FBXO34: variants seen among roughly 807,000 people sequenced by gnomAD.
FBXO34 encodes F-box protein 34.
FBXO34 carries 12 observed loss-of-function variants against 24.5 expected under a neutral mutation model. That is an observed-to-expected ratio of 0.49 (90% CI 0.31 to 0.79). FBXO34 has a LOEUF of 0.79. Among genes scored for constraint, FBXO34 ranks in the 30% least tolerant of loss-of-function variants. FBXO34 has a pLI of 0.04. For synonymous variants in FBXO34, 320 were observed against 311.9 expected, an observed-to-expected ratio of 1.03 and a Z score of -0.27; for missense variants, 823 against 857.7, an observed-to-expected ratio of 0.96 and a Z score of 0.51.
chr14:55,275,320 A>G (rs1270488776), intron 1 of FBXO34, among the ~76,000 whole-genome samples: 2 of 152,184 alleles, frequency 1.3e-5, no homozygotes, highest in Non-Finnish European at 2.9e-5. Flanking sequence ...ACTAAGTGCT[A>G]TGTAAGTGTG....
chr14:55,349,116 C>T (rs1884255094), intron 1 of FBXO34, among the ~76,000 whole-genome samples: 1 of 151,998 alleles, frequency 6.6e-6, no homozygotes, highest in Non-Finnish European at 1.5e-5. Context: ...TTTCCTCAAT[C>T]CAGGGTGTTT....
chr14:55,387,515 T>C, the FBXO34 span, among the ~76,000 whole-genome samples: 17 of 152,318 alleles, frequency 1.1e-4, no homozygotes, highest in Non-Finnish European at 1.9e-4. Flanking sequence ...CGCATAGCTC[T>C]TGGTTCCTCA....
chr14:55,442,799 G>T, the FBXO34 span, among the ~76,000 whole-genome samples: 1 of 152,030 alleles, frequency 6.6e-6, no homozygotes, highest in Non-Finnish European at 1.5e-5. Flanking sequence ...AGACTGAATT[G>T]TTTCCCCCCA....
chr14:55,301,289 T>G (rs933432905), intron 1 of FBXO34, among the ~76,000 whole-genome samples: 1 of 152,012 alleles, frequency 6.6e-6, no homozygotes, highest in Admixed American at 6.6e-5. Context: ...ATTCAAAAAT[T>G]AGCCAGGTGT....
intron 1 of FBXO34, among the ~76,000 whole-genome samples, chr14:55,327,908 G>GTTTTTTTTTTTTTTTTTTTTTTTTTTTT (rs386381425): frequency 2.1e-5 from 1 of 48,698 alleles, no homozygotes; most frequent in Non-Finnish European, 3.5e-5. Context: ...GTTGTTGTTG[G>GTTTTTTTTTTTTTTTTTTTTTTTTTTTT]TTTTTTTTTT....
chr14:55,331,685 GTGTATATATATATATATA>G (rs1267755433), intron 1 of FBXO34, among the ~76,000 whole-genome samples: 1 of 31,894 alleles, frequency 3.1e-5, no homozygotes, highest in Non-Finnish European at 5.3e-5. Context: ...ATATATATAT[GTGTATATATATATATATA>G]TGTATATATA....
At chr14:55,400,950 A>C in the FBXO34 span, among the ~76,000 whole-genome samples, 1 of 149,702 alleles carries the variant, frequency 6.7e-6, no homozygotes, top group Non-Finnish European at 1.5e-5. Flanking sequence ...AAATAAAATA[A>C]AATAAAATAA....
At chr14:55,371,929 G>C (rs970687205), downstream of FBXO34, among the ~76,000 whole-genome samples, 3 of 152,294 alleles carry the variant, frequency 2.0e-5, no homozygotes, top group East Asian at 5.8e-4. Context: ...ACTGCCCCTT[G>C]AATTTCTCTG....
the FBXO34 span, chr14:55,437,031 CA>C: frequency 6.2e-7 from 1 of 1,608,610 alleles, no homozygotes; most frequent in Non-Finnish European, 8.5e-7. Flanking sequence ...AGGCAGTTCC[CA>C]AAACAGACAG....
intron 1 of FBXO34, among the ~76,000 whole-genome samples, chr14:55,349,959 A>G (rs1371478225): frequency 6.6e-6 from 1 of 152,152 alleles, no homozygotes; most frequent in Non-Finnish European, 1.5e-5. Flanking sequence ...GCGAATTGTG[A>G]TGATTTAGAA....
At chr14:55,298,966 A>G (rs927582984) in intron 1 of FBXO34, 9 of 1,599,848 alleles carry the variant, frequency 5.6e-6, no homozygotes, top group South Asian at 1.1e-5. Context: ...AAGGCGGCCC[A>G]CGACAACATG....
chr14:55,346,491 C>G (rs1012451353), intron 1 of FBXO34, among the ~76,000 whole-genome samples: 4 of 152,084 alleles, frequency 2.6e-5, no homozygotes, highest in African/African-American at 9.7e-5. Context: ...TTTTTGATAT[C>G]CAGGTGAGTA....
chr14:55,301,642 T>C (rs1331233858), intron 1 of FBXO34, among the ~76,000 whole-genome samples: 1 of 152,170 alleles, frequency 6.6e-6, no homozygotes, highest in African/African-American at 2.4e-5. Flanking sequence ...AATTTCCTTT[T>C]CTATAAGTAT....
the FBXO34 span, among the ~76,000 whole-genome samples, chr14:55,403,428 C>T: frequency 1.3e-5 from 2 of 152,048 alleles, no homozygotes; most frequent in South Asian, 2.1e-4. Context: ...ACTACAGTTC[C>T]TTCATTCAGC....
chr14:55,307,454 C>G (rs1047548539), intron 1 of FBXO34, among the ~76,000 whole-genome samples: 1 of 152,212 alleles, frequency 6.6e-6, no homozygotes, highest in African/African-American at 2.4e-5. Context: ...TGATTAAACA[C>G]TTAAGCTGTT....
intron 1 of FBXO34, among the ~76,000 whole-genome samples, chr14:55,278,629 C>A (rs1413603257): frequency 1.3e-5 from 2 of 152,138 alleles, no homozygotes; most frequent in Admixed American, 1.3e-4. Context: ...GACTACTGTA[C>A]AAAGAAAACT....
chr14:55,340,385 A>C (rs1272844835), intron 1 of FBXO34, among the ~76,000 whole-genome samples: 1 of 148,672 alleles, frequency 6.7e-6, no homozygotes. Flanking sequence ...CTACAAATAC[A>C]GGCCATCATG....
the FBXO34 span, among the ~76,000 whole-genome samples, chr14:55,418,479 T>A: frequency 1.3e-5 from 2 of 152,278 alleles, no homozygotes; most frequent in Middle Eastern, 6.8e-3. Context: ...TTTGTAAAAA[T>A]AGCATTGCAC....
the FBXO34 span, chr14:55,385,745 C>T: frequency 4.3e-6 from 4 of 937,140 alleles, no homozygotes; most frequent in Non-Finnish European, 6.4e-6. Context: ...TATGTTCCAT[C>T]ACCAGGAAAA....
Sources: allele counts gnomAD v4.1 joint callset (sites outside exome capture counted in the v4.1 genomes callset), GRCh38; gene constraint gnomAD v4.1.1; transcripts MANE v1.5; gene names NCBI Gene and HGNC (gene_info 2026-07-23, HGNC 2026-07-21).